CNTNAP2: variants seen among roughly 807,000 people sequenced by gnomAD.
CNTNAP2 encodes the protein contactin associated protein 2.
Under a neutral mutation model 155.2 loss-of-function variants are expected in CNTNAP2, and 98 were observed. The observed-to-expected ratio is 0.63, with a 90% CI of 0.54 to 0.75. The LOEUF is 0.75. CNTNAP2 is among the 30% of genes least tolerant of loss of function. The pLI, the probability that CNTNAP2 is intolerant of heterozygous loss-of-function variation, is 0.00. For synonymous variants in CNTNAP2, 651 were observed against 631.2 expected (o/e 1.03, Z -0.47); for missense variants, 1,727 against 1,688.1 (o/e 1.02, Z -0.40).
intron 1 of CNTNAP2, among the ~76,000 whole-genome samples, chr7:146,142,128 T>A (rs895649362): frequency 2.6e-5 from 4 of 152,204 alleles, no homozygotes; most frequent in Non-Finnish European, 4.4e-5. Flanking sequence ...ATTAGAAATA[T>A]TTGCAATGTG....
intron 15 of CNTNAP2, among the ~76,000 whole-genome samples, chr7:148,092,422 G>T (rs909059011): frequency 6.6e-6 from 1 of 152,166 alleles, no homozygotes; most frequent in African/African-American, 2.4e-5. Context: ...GAGGCTGGTT[G>T]TGTTTTGTTC....
chr7:147,527,291 G>C (rs1254536645), intron 11 of CNTNAP2, among the ~76,000 whole-genome samples: 1 of 151,894 alleles, frequency 6.6e-6, no homozygotes, highest in African/African-American at 2.4e-5. Flanking sequence ...CCACAGTGCT[G>C]GGATTACAGG....
At chr7:147,853,970 C>T (rs865895717) in intron 13 of CNTNAP2, among the ~76,000 whole-genome samples, 6 of 152,128 alleles carry the variant, frequency 3.9e-5, no homozygotes, top group African/African-American at 9.7e-5. Flanking sequence ...AATTATCTCA[C>T]GGTTTTTAAA....
chr7:147,896,630 C>T (rs910180810), intron 13 of CNTNAP2, among the ~76,000 whole-genome samples: 1 of 152,052 alleles, frequency 6.6e-6, no homozygotes, highest in Admixed American at 6.6e-5. Flanking sequence ...ATCAGATGAG[C>T]CAGTTTATTG....
At chr7:148,031,534 C>T (rs1802476177) in intron 15 of CNTNAP2, among the ~76,000 whole-genome samples, 1 of 152,154 alleles carries the variant, frequency 6.6e-6, no homozygotes, top group Admixed American at 6.5e-5. Flanking sequence ...TTGGTAGAAA[C>T]AGAAATACTA....
At chr7:147,703,788 A>G (rs1796270442) in intron 13 of CNTNAP2, among the ~76,000 whole-genome samples, 1 of 152,136 alleles carries the variant, frequency 6.6e-6, no homozygotes, top group Admixed American at 6.5e-5. Flanking sequence ...GCTACTGAAT[A>G]TTAGCATTTA....
intron 13 of CNTNAP2, among the ~76,000 whole-genome samples, chr7:147,714,893 A>G (rs1415898081): frequency 1.3e-5 from 2 of 152,126 alleles, no homozygotes; most frequent in African/African-American, 4.8e-5. Context: ...CTCCATATCT[A>G]TAATGATGTT....
In CNTNAP2 at chr7:147,810,773, G is replaced by A. The variant is rs116098824; in HGVS notation, c.2099-92792G>A. On this transcript the variant is annotated intron_variant, in intron 13 of 23. Coordinates refer to ENST00000361727, the MANE Select transcript of CNTNAP2 (RefSeq NM_014141.6). Reference sequence around the variant, plus strand: ...TTATAAAGTTAAAATACCCAATTTCGTTTTTAATTTATTTGGAAACAACAA... The same window carrying A: ...TTATAAAGTTAAAATACCCAATTTCATTTTTAATTTATTTGGAAACAACAA... 5.9e-3 allele frequency among the ~76,000 whole-genome samples: 904 copies of A among 152,204 alleles called. 9 individuals carry two copies. Among genetic ancestry groups the A allele is most frequent in the African/African-American group, 0.021 (858 of 41,542 alleles).
chr7:147,356,748 C>T (rs826820), intron 9 of CNTNAP2, among the ~76,000 whole-genome samples: 120,128 of 152,088 alleles, frequency 0.79, 48,162 homozygotes, highest in African/African-American at 0.93. Context: ...AAGCCATTGA[C>T]CATTTTTTCA....
At chr7:146,285,949 TTTCCTTCC>T (rs1344304459) in intron 1 of CNTNAP2, among the ~76,000 whole-genome samples, 2 of 32,986 alleles carry the variant, frequency 6.1e-5, no homozygotes, top group Non-Finnish European at 1.1e-4. Context: ...CCCTCCCCCT[TTTCCTTCC>T]TTCCTTCCTT....
At position 147,925,135 on chromosome 7, in the gene CNTNAP2, AAGAGAG is replaced by A. The variant is rs369044394; in HGVS notation, c.2255+21430_2255+21435del. Among the ~76,000 whole-genome samples the A allele has an allele frequency of 3.6e-4, 28 of 77,962 alleles. No individual in the cohort carries two copies. In the East Asian group the frequency reaches 0.011, roughly 30 times the overall value. 51.1% of individuals were successfully genotyped at this position (77,962 alleles called of 152,430 possible). A position where few individuals can be genotyped will look rare whatever the true frequency, so the allele number is the denominator to read the frequency against. On this transcript the variant is annotated intron_variant, in intron 14 of 23. Transcript: ENST00000361727. ...CTCCATCAGAAAGAGAGAAAGAGAG[AAGAGAG>A]AGAGAGAGAGAGAGAAGGAAGGAAG...
At chr7:148,017,099 T>C (rs1802192106) in intron 15 of CNTNAP2, among the ~76,000 whole-genome samples, 2 of 152,240 alleles carry the variant, frequency 1.3e-5, no homozygotes, top group African/African-American at 4.8e-5. Context: ...TTACACCAAC[T>C]GCATTAGCTC....
chr7:146,376,680 C>A (rs147000914), intron 1 of CNTNAP2, among the ~76,000 whole-genome samples: 1 of 152,006 alleles, frequency 6.6e-6, no homozygotes, highest in East Asian at 1.9e-4. Flanking sequence ...CACATTGTTA[C>A]GGTATAAATG....
chr7:147,247,462 T>C (rs1289436549), intron 8 of CNTNAP2, among the ~76,000 whole-genome samples: 1 of 152,254 alleles, frequency 6.6e-6, no homozygotes, highest in Non-Finnish European at 1.5e-5. Context: ...TTATTTCTTA[T>C]CTATGAGTTC....
At chr7:147,362,677 T>A (rs1218246915) in intron 9 of CNTNAP2, among the ~76,000 whole-genome samples, 1 of 152,124 alleles carries the variant, frequency 6.6e-6, no homozygotes. Flanking sequence ...AGTTGCTGAG[T>A]GTTATGGAGT....
At chr7:147,907,291 C>T (rs1442311776) in intron 14 of CNTNAP2, among the ~76,000 whole-genome samples, 3 of 151,840 alleles carry the variant, frequency 2.0e-5, no homozygotes, top group African/African-American at 7.3e-5. Context: ...CTCCTGACCT[C>T]GTGATCTGCC....
chr7:148,402,389 TGCCACA>T (rs1799606800), intron 22 of CNTNAP2, among the ~76,000 whole-genome samples: 2 of 151,548 alleles, frequency 1.3e-5, no homozygotes, highest in Non-Finnish European at 2.9e-5. Flanking sequence ...TGTCAGTACA[TGCCACA>T]TAATGCTCTG....
At chr7:147,547,813 G>A (rs1015753288) in intron 11 of CNTNAP2, among the ~76,000 whole-genome samples, 88 of 152,096 alleles carry the variant, frequency 5.8e-4, no homozygotes, top group Non-Finnish European at 1.1e-3. Context: ...CCGTGTCCAT[G>A]TGTTCTCAAT....
At chr7:146,627,373 C>T (rs1000894552) in intron 1 of CNTNAP2, among the ~76,000 whole-genome samples, 1 of 152,010 alleles carries the variant, frequency 6.6e-6, no homozygotes, top group Admixed American at 6.6e-5. Flanking sequence ...TATGAAAATA[C>T]GTATTACTTC....
Sources: gnomAD v4.1 joint callset for allele counts (sites outside exome capture counted in the v4.1 genomes callset) on GRCh38, gnomAD v4.1.1 for gene constraint, MANE v1.5 for transcripts, NCBI Gene and HGNC (gene_info 2026-07-23, HGNC 2026-07-21) for gene names.